Variants in MUSK observed in about 807,000 individuals in gnomAD.
MUSK encodes muscle associated receptor tyrosine kinase, also known as muscle, skeletal receptor tyrosine-protein kinase.
MUSK carries 55 observed loss-of-function variants against 88.7 expected under a neutral mutation model. The observed-to-expected ratio is 0.62, with a 90% CI of 0.50 to 0.78. The LOEUF (loss-of-function observed/expected upper bound fraction) is 0.78. Among genes scored for constraint, MUSK ranks in the 30% least tolerant of loss-of-function variants. The pLI is 0.00. For synonymous variants in MUSK, 387 were observed against 391.9 expected, an observed-to-expected ratio of 0.99 and a Z score of 0.15; for missense variants, 1,015 against 1,074.3, an observed-to-expected ratio of 0.94 and a Z score of 0.77.
chr9:110,747,731 T>C lies in MUSK; in HGVS notation c.844T>C (p.Cys282Arg). 1.2e-6 allele frequency: 2 copies of C among 1,613,878 alleles called. No homozygotes were observed. The highest frequency in any genetic ancestry group is 2.2e-5 in the East Asian group (1 of 44,878). ...LFITKPGLYT[C>R]IATNKHGEKF... Reference sequence around the variant, plus strand: ...TATCACCAAGCCAGGACTCTACACATGCATAGCTACCAATAAGCATGGGGA... The same window carrying C: ...TATCACCAAGCCAGGACTCTACACACGCATAGCTACCAATAAGCATGGGGA... The change falls in exon 7 of 15, where the codon TGC becomes CGC. Residue 282 changes from cysteine to arginine, a missense_variant. Transcript: ENST00000374448.
intron 11 of MUSK, 77 bp downstream of exon 11, chr9:110,776,732 T>G: frequency 7.9e-7 from 1 of 1,262,492 alleles, no homozygotes; most frequent in Non-Finnish European, 1.1e-6. Flanking sequence ...ACACTTATAT[T>G]TCCTGATGCC....
Position 110,668,877 on chromosome 9 carries a change from C to T in MUSK, c.-28C>T. 1 of 1,592,642 alleles carries T rather than the reference C, an allele frequency of 6.3e-7. No individual in the cohort carries two copies. Among genetic ancestry groups the T allele is most frequent in the Non-Finnish European group, 8.6e-7 (1 of 1,160,724 alleles). ...TTTTCCTTGCGTTGTCCAGAAGGAA[C>T]TTCGTCCTGCGTGAGCCTGGATTAA... On this transcript the variant is annotated 5_prime_UTR_variant, in exon 1 of 15. Coordinates refer to ENST00000374448, the MANE Select transcript of MUSK (RefSeq NM_005592.4).
intron 14 of MUSK, among the ~76,000 whole-genome samples, chr9:110,797,279 A>G (rs1296043733): frequency 7.7e-6 from 1 of 130,374 alleles, no homozygotes; most frequent in Non-Finnish European, 1.8e-5. Flanking sequence ...TTCACAAATA[A>G]AAAACAAACA....
At chr9:110,751,742 G>C (rs1041918128) in intron 7 of MUSK, among the ~76,000 whole-genome samples, 1 of 152,036 alleles carries the variant, frequency 6.6e-6, no homozygotes, top group East Asian at 1.9e-4. Flanking sequence ...AAGGAACTTG[G>C]GTAGAGGTAG....
rs952260873 is a variant in MUSK, at chr9:110,806,303, G to T, written c.*5315G>T. Reference sequence around the variant, plus strand: ...ACTTTCACAAATATTTCTAAATAAAGGTTACCTACTGATTCTGGATTGTGC... The same window carrying T: ...ACTTTCACAAATATTTCTAAATAAATGTTACCTACTGATTCTGGATTGTGC... On this transcript the variant is annotated 3_prime_UTR_variant, in exon 15 of 15. Transcript: ENST00000374448. 1.3e-5 allele frequency among the ~76,000 whole-genome samples: 2 copies of T among 151,996 alleles called. No individual in the cohort carries two copies. Among genetic ancestry groups the T allele is most frequent in the African/African-American group, 4.8e-5 (2 of 41,378 alleles).
intron 7 of MUSK, among the ~76,000 whole-genome samples, chr9:110,759,920 C>A (rs2077374511): frequency 6.6e-6 from 1 of 152,282 alleles, no homozygotes; most frequent in South Asian, 2.1e-4. Flanking sequence ...CCTGTAATCC[C>A]AGCTGCTTGG....
At chr9:110,683,280 T>G (rs1459697308) in intron 2 of MUSK, among the ~76,000 whole-genome samples, 1 of 152,082 alleles carries the variant, frequency 6.6e-6, no homozygotes, top group African/African-American at 2.4e-5. Context: ...TGATCTCCAG[T>G]TCCATCCATG....
intron 5 of MUSK, among the ~76,000 whole-genome samples, chr9:110,723,893 T>G (rs1365958165): frequency 6.6e-6 from 1 of 152,004 alleles, no homozygotes; most frequent in Non-Finnish European, 1.5e-5. Context: ...TTCCTTCTCT[T>G]CTCTACTGCT....
chr9:110,735,605 T>C (rs2077021401), intron 6 of MUSK, among the ~76,000 whole-genome samples: 1 of 151,978 alleles, frequency 6.6e-6, no homozygotes, highest in Admixed American at 6.6e-5. Flanking sequence ...GTACATAAGT[T>C]AGAAGGAACA....
At chr9:110,715,892 G>T (rs570689237) in intron 5 of MUSK, among the ~76,000 whole-genome samples, 1 of 149,274 alleles carries the variant, frequency 6.7e-6, no homozygotes, top group African/African-American at 2.6e-5. Flanking sequence ...AACACCACAT[G>T]TTGTCACTTA....
At chr9:110,671,733 T>C (rs1368542158) in intron 1 of MUSK, among the ~76,000 whole-genome samples, 1 of 152,230 alleles carries the variant, frequency 6.6e-6, no homozygotes, top group Non-Finnish European at 1.5e-5. Context: ...AATGTTCCAC[T>C]GGATAATTGG....
intron 1 of MUSK, among the ~76,000 whole-genome samples, chr9:110,681,476 G>A (rs892161963): frequency 1.3e-5 from 2 of 151,722 alleles, no homozygotes; most frequent in Non-Finnish European, 2.9e-5. Context: ...GGTCAAAGAC[G>A]TAAACAGATC....
chr9:110,776,067 AT>A lies in MUSK; in HGVS notation c.1360+116del, dbSNP rs11349092. 270,880 of 1,039,198 alleles carry A rather than the reference AT, an allele frequency of 0.26. 18,152 individuals are homozygous for A. Among genetic ancestry groups the A allele is most frequent in the African/African-American group, 0.46 (28,221 of 61,504 alleles). 64.4% of individuals were successfully genotyped at this position (1,039,198 alleles called of 1,614,324 possible). ...CTTCTAATATTTCTAGGCATTTCTA[AT>A]TTTTTTTTTTTGAGTTCTGCCTTCC... On this transcript the variant is annotated intron_variant, in intron 10 of 14. Transcript: ENST00000374448.
rs2076633047 is a variant in MUSK, at chr9:110,708,756, TA to T, written c.628+11292del. On this transcript the variant is annotated intron_variant, in intron 5 of 14. Coordinates refer to ENST00000374448, the MANE Select transcript of MUSK (RefSeq NM_005592.4). ...TTTCTCTAAGAAAAAGTCACTTGTA[TA>T]ATAATGATAGCACTGAATAGATAAT... Among the ~76,000 whole-genome samples the T allele has an allele frequency of 2.6e-5, 4 of 152,326 alleles. No homozygotes were observed. The South Asian group carries it at 8.3e-4, about 32-fold the overall frequency.
chr9:110,740,372 T>C (rs1373864580), intron 6 of MUSK, among the ~76,000 whole-genome samples: 2 of 152,174 alleles, frequency 1.3e-5, no homozygotes, highest in African/African-American at 4.8e-5. Context: ...TTCACATGGT[T>C]ATCTCCCTGT....
chr9:110,673,425 A>G (rs897105037), intron 1 of MUSK, among the ~76,000 whole-genome samples: 9 of 152,234 alleles, frequency 5.9e-5, no homozygotes, highest in African/African-American at 2.2e-4. Flanking sequence ...GTTAAATAAA[A>G]AGATAATGAA....
At chr9:110,744,375 G>A (rs1416965439) in intron 6 of MUSK, among the ~76,000 whole-genome samples, 1 of 152,154 alleles carries the variant, frequency 6.6e-6, no homozygotes, top group Admixed American at 6.5e-5. Flanking sequence ...CCTAGCTAAG[G>A]TCAAATCATA....
chr9:110,805,944 C>A lies in MUSK; in HGVS notation c.*4956C>A, dbSNP rs2078156075. 1.3e-5 allele frequency among the ~76,000 whole-genome samples: 2 copies of A among 151,784 alleles called. No individual in the cohort carries two copies. Among genetic ancestry groups the A allele is most frequent in the African/African-American group, 4.8e-5 (2 of 41,346 alleles). On this transcript the variant is annotated 3_prime_UTR_variant, in exon 15 of 15. Coordinates refer to ENST00000374448, the MANE Select transcript of MUSK (RefSeq NM_005592.4). ...TATTAGGAAAAACTCAGGAGTTTTT[C>A]TCTATAATCTTGGTTAGTTTATTTT...
At chr9:110,690,967 C>G (rs1275755566) in intron 3 of MUSK, among the ~76,000 whole-genome samples, 1 of 150,466 alleles carries the variant, frequency 6.6e-6, no homozygotes, top group African/African-American at 2.4e-5. Context: ...TGAGTTCAAG[C>G]AATTCTCCTG....
Sources: gnomAD v4.1 joint callset for allele counts (sites outside exome capture counted in the v4.1 genomes callset) on GRCh38, gnomAD v4.1.1 for gene constraint, MANE v1.5 for transcripts, NCBI Gene and HGNC (gene_info 2026-07-23, HGNC 2026-07-21) for gene names.